Variants in ADCY3 observed in about 807,000 individuals in gnomAD.
The protein encoded by ADCY3 is adenylate cyclase 3.
A neutral mutation model predicts 119.4 loss-of-function variants in ADCY3; 70 were observed. The observed-to-expected ratio is 0.59, with a 90% CI of 0.48 to 0.72. The LOEUF is 0.72. Ranked by LOEUF, ADCY3 falls within the 30% of genes least tolerant of loss-of-function variation. The probability of loss-of-function intolerance (pLI) is 0.00; values close to 1 mark genes in which losing one functional copy is unlikely to be tolerated. For missense variants in ADCY3, 1,238 were observed against 1,541.6 expected (o/e 0.80, Z 3.30); for synonymous variants, 672 against 621.4 (o/e 1.08, Z -1.21).
chr2:24,897,738 T>C lies in ADCY3; in HGVS notation c.675+20575A>G, dbSNP rs547501300. Among the ~76,000 whole-genome samples, 28 of 152,216 alleles carry C rather than the reference T, an allele frequency of 1.8e-4. 1 individual carries two copies. The South Asian group carries it at 5.8e-3, about 32-fold the overall frequency. On this transcript the variant is annotated intron_variant, in intron 2 of 21. Coordinates refer to ENST00000679454, the MANE Select transcript of ADCY3 (RefSeq NM_004036.5). Reference sequence around the variant, plus strand: ...TTCAGCAAGGACAACAACCCAGACTTTTCCATTTTGCACCTTCTAATATGC... The same window carrying C: ...TTCAGCAAGGACAACAACCCAGACTCTTCCATTTTGCACCTTCTAATATGC...
At chr2:24,852,379 C>T (rs1196551700) in intron 3 of ADCY3, among the ~76,000 whole-genome samples, 1 of 152,156 alleles carries the variant, frequency 6.6e-6, no homozygotes, top group Non-Finnish European at 1.5e-5. Flanking sequence ...CTCCTAGAGT[C>T]CTCCCTGGGA....
chr2:24,850,295 A>G (rs144575541), intron 3 of ADCY3, among the ~76,000 whole-genome samples: 1 of 152,258 alleles, frequency 6.6e-6, no homozygotes, highest in East Asian at 1.9e-4. Context: ...GCGTGATGCT[A>G]GCTACGGACC....
At chr2:24,838,411 G>C in intron 8 of ADCY3, 34 bp downstream of exon 8, 1 of 1,439,360 alleles carries the variant, frequency 6.9e-7, no homozygotes, top group Non-Finnish European at 9.2e-7. Context: ...GGGGTGGGGT[G>C]GGTGGGGTGG....
intron 3 of ADCY3, among the ~76,000 whole-genome samples, chr2:24,855,851 C>T (rs1197400587): frequency 2.0e-5 from 3 of 152,168 alleles, no homozygotes; most frequent in Non-Finnish European, 2.9e-5. Flanking sequence ...GGCAATCTGT[C>T]GGCATGGCCT....
intron 16 of ADCY3, chr2:24,825,818 T>C (rs1668541301): frequency 3.5e-6 from 2 of 567,348 alleles, no homozygotes; most frequent in African/African-American, 3.8e-5. Context: ...CATGCTTCCT[T>C]CACCATCCTG....
At chr2:24,915,046 C>T (rs937100009) in intron 2 of ADCY3, among the ~76,000 whole-genome samples, 10 of 152,332 alleles carry the variant, frequency 6.6e-5, no homozygotes, top group Admixed American at 5.2e-4. Flanking sequence ...ACCTTCTGTC[C>T]TTCCCCACAG....
Position 24,834,835 on chromosome 2 carries a change from C to G in ADCY3, c.1764G>C (p.Gln588His), listed in dbSNP as rs1284401844. 6.2e-7 allele frequency: 1 copy of G among 1,613,842 alleles called. No individual in the cohort carries two copies. The change falls in exon 10 of 22, where the codon CAG (glutamine) becomes CAC (histidine). Residue 588 changes from glutamine to histidine, a missense_variant. This residue lies in a region of ADCY3 where 499 missense variants were observed against 571.0 expected (regional missense o/e 0.87). Transcript: ENST00000679454. This position sits in a 1 kb window ranked among gnomAD's most constrained non-coding sequence, Gnocchi z 4.2. ...GCTCAAGCAGGGCCTCGTTGAGCAG[C>G]TGGTTGAGCTCGTGCTCATCTTCAG... ...DASEDEHELN[Q>H]LLNEALLERE...
Position 24,826,049 on chromosome 2 carries a change from C to T in ADCY3, c.2573G>A (p.Arg858His), listed in dbSNP as rs776651431. ...LMMLSFYYFS[R>H]HVEKLARTLF... is the part of the protein sequence containing the mutation. Reference sequence around the variant, plus strand: ...GATCGTGCAGGCGGCACTCACGTGGCGGGAGAAGTAGTAGAAGCTGAGCAT... The same window carrying T: ...GATCGTGCAGGCGGCACTCACGTGGTGGGAGAAGTAGTAGAAGCTGAGCAT... The change falls in exon 16 of 22, where the codon CGC becomes CAC. Residue 858 changes from arginine (R) to histidine (H), a missense_variant. By Grantham distance (29) the Arg-to-His change is conservative (BLOSUM62 0). Coordinates refer to ENST00000679454, the MANE Select transcript of ADCY3 (RefSeq NM_004036.5). The T allele has an allele frequency of 1.1e-5, 17 of 1,613,824 alleles. No individual in the cohort carries two copies. Among genetic ancestry groups the T allele is most frequent in the African/African-American group, 2.7e-5 (2 of 74,914 alleles).
At chr2:24,855,886 C>T (rs1672938017) in intron 3 of ADCY3, among the ~76,000 whole-genome samples, 1 of 152,210 alleles carries the variant, frequency 6.6e-6, no homozygotes. Flanking sequence ...GAAGGAACCA[C>T]CCAAGCCCCC....
chr2:24,829,873 C>G (rs1339903957), intron 13 of ADCY3, among the ~76,000 whole-genome samples: 1 of 151,386 alleles, frequency 6.6e-6, no homozygotes, highest in Non-Finnish European at 1.5e-5. Context: ...TCAATACGTG[C>G]CCAGTGGTTC....
intron 2 of ADCY3, among the ~76,000 whole-genome samples, chr2:24,879,452 CAAAAAAAAA>C (rs34029858): frequency 1.5e-5 from 1 of 66,084 alleles, no homozygotes; most frequent in African/African-American, 5.8e-5. Context: ...GACTCTGTCT[CAAAAAAAAA>C]AAAAAAAAAA....
At position 24,882,967 on chromosome 2, in the gene ADCY3, C is replaced by A. The variant is rs568595770; in HGVS notation, c.676-10248G>T. ...CCAAGTTATTTGGGAGGCTGAGGCA[C>A]AAGAACTGCTTGAGCCCGGGAGGCA... is the stretch of plus-strand genomic sequence containing the variant. On this transcript the variant is annotated intron_variant, in intron 2 of 21. Transcript: ENST00000679454. 8.6e-5 allele frequency among the ~76,000 whole-genome samples: 13 copies of A among 151,892 alleles called. No individual in the cohort carries two copies. In the East Asian group the frequency reaches 2.3e-3, roughly 27 times the overall value.
At chr2:24,843,602 A>C (rs1269866637) in intron 3 of ADCY3, among the ~76,000 whole-genome samples, 13 of 152,234 alleles carry the variant, frequency 8.5e-5, no homozygotes, top group Non-Finnish European at 1.9e-4. Flanking sequence ...CCACAGAGCC[A>C]AAGATATTTA....
At chr2:24,869,980 T>C (rs1443883738) in intron 3 of ADCY3, among the ~76,000 whole-genome samples, 1 of 151,900 alleles carries the variant, frequency 6.6e-6, no homozygotes, top group Non-Finnish European at 1.5e-5. Context: ...GCTTTACCAA[T>C]CCCAGTGGGA....
chr2:24,881,578 G>A (rs1676408656), intron 2 of ADCY3, among the ~76,000 whole-genome samples: 2 of 152,348 alleles, frequency 1.3e-5, no homozygotes, highest in South Asian at 4.1e-4. Flanking sequence ...AGAGGATGCA[G>A]TAAGTACCTG....
chr2:24,897,761 T>C (rs927888670), intron 2 of ADCY3, among the ~76,000 whole-genome samples: 3 of 152,200 alleles, frequency 2.0e-5, no homozygotes, highest in Admixed American at 6.5e-5. Flanking sequence ...CCTTCTAATA[T>C]GCTGAGCACC....
chr2:24,919,713 G>A lies in ADCY3; in HGVS notation c.-228C>T, dbSNP rs934679329. ...CGGGAACTCGGCCACCGCGTGCTCC[G>A]GGACGGTCCCCGCGCGGGCTGGGGC... On this transcript the variant is annotated 5_prime_UTR_variant, in exon 1 of 22. Transcript: ENST00000679454. The surrounding 1 kb of genome is among the most constrained non-coding windows in gnomAD (Gnocchi z 5.5). 4 of 152,018 alleles carry A rather than the reference G, an allele frequency of 2.6e-5. No individual in the cohort carries two copies. Among genetic ancestry groups the A allele is most frequent in the African/African-American group, 9.7e-5 (4 of 41,408 alleles). 9.4% of individuals were successfully genotyped at this position (152,018 alleles called of 1,614,324 possible).
intron 14 of ADCY3, 145 bp from the exon 15 acceptor site, chr2:24,827,753 G>T: frequency 5.6e-6 from 8 of 1,421,078 alleles, no homozygotes; most frequent in Non-Finnish European, 7.8e-6. Flanking sequence ...TGATACGTCT[G>T]TGAGCAGCCA....
intron 2 of ADCY3, among the ~76,000 whole-genome samples, chr2:24,885,031 G>T (rs748385899): frequency 3.9e-5 from 6 of 152,212 alleles, no homozygotes; most frequent in Admixed American, 6.5e-5. Context: ...GAAGGACCAT[G>T]GCAGGTCATG....
Sources: allele counts gnomAD v4.1 joint callset (sites outside exome capture counted in the v4.1 genomes callset), GRCh38; gene constraint gnomAD v4.1.1; regional missense constraint gnomAD v4.1.1; non-coding constraint Gnocchi (gnomAD v3.1); transcripts MANE v1.5; gene names NCBI Gene and HGNC (gene_info 2026-07-23, HGNC 2026-07-21).